Variants in MGLL observed in about 807,000 individuals in gnomAD.
MGLL encodes monoglyceride lipase, also known as lysophospholipase homolog.
In MGLL, 7 loss-of-function variants were observed where a neutral mutation model predicts 29.1. The observed-to-expected ratio is 0.24, with a 90% CI of 0.14 to 0.45. The LOEUF (loss-of-function observed/expected upper bound fraction) is 0.45, where lower values mean the gene tolerates loss of function less well. Among genes scored for constraint, MGLL ranks in the 20% least tolerant of loss-of-function variants. The probability of loss-of-function intolerance (pLI) is 0.99; values close to 1 mark genes in which losing one functional copy is unlikely to be tolerated. For synonymous variants in MGLL, 148 were observed against 168.3 expected, an observed-to-expected ratio of 0.88 and a Z score of 0.93; for missense variants, 356 against 413.6, an observed-to-expected ratio of 0.86 and a Z score of 1.21.
chr3:127,799,282 G>C (rs943859536), intron 2 of MGLL: 3 of 152,184 alleles, frequency 2.0e-5, no homozygotes. Flanking sequence ...GGAAACTGAG[G>C]CTTCCAGGGG....
intron 3 of MGLL, among the ~76,000 whole-genome samples, chr3:127,763,585 G>A (rs1216930168): frequency 6.6e-6 from 1 of 152,220 alleles, no homozygotes; most frequent in Non-Finnish European, 1.5e-5. Context: ...CCTGGGTGGG[G>A]ACATCTCCCT....
At chr3:127,736,837 A>T (rs2076250441) in intron 3 of MGLL, among the ~76,000 whole-genome samples, 1 of 152,080 alleles carries the variant, frequency 6.6e-6, no homozygotes, top group Non-Finnish European at 1.5e-5. Context: ...TGGGACCACA[A>T]GCGCATGTCA....
chr3:127,800,842 T>G (rs2077465369), intron 2 of MGLL, among the ~76,000 whole-genome samples: 2 of 152,218 alleles, frequency 1.3e-5, no homozygotes, highest in Admixed American at 1.3e-4. Context: ...CTAAGCATTG[T>G]AGCCAACAAG....
intron 2 of MGLL, among the ~76,000 whole-genome samples, chr3:127,794,663 T>A (rs1320097701): frequency 6.6e-6 from 1 of 152,240 alleles, no homozygotes; most frequent in Non-Finnish European, 1.5e-5. Flanking sequence ...TCTTCCATGA[T>A]GTCAAACTAT....
At chr3:127,798,829 C>CA (rs1462039200) in intron 2 of MGLL, among the ~76,000 whole-genome samples, 1 of 152,198 alleles carries the variant, frequency 6.6e-6, no homozygotes, top group Non-Finnish European at 1.5e-5. Flanking sequence ...CTGGGCTCCA[C>CA]AGCCTTTCCA....
intron 6 of MGLL, among the ~76,000 whole-genome samples, chr3:127,696,320 C>T (rs1267624023): frequency 1.3e-5 from 2 of 150,780 alleles, no homozygotes; most frequent in Non-Finnish European, 3.0e-5. Flanking sequence ...TCTCTAGCAT[C>T]TGCCCTACAG....
At chr3:127,710,704 G>A (rs2075693995) in intron 5 of MGLL, 39 bp from the exon 6 acceptor site, 1 of 1,487,266 alleles carries the variant, frequency 6.7e-7, no homozygotes, top group Admixed American at 2.0e-5. Flanking sequence ...GAGCACAAGT[G>A]GCATCCACAC....
At chr3:127,726,240 A>G (rs575959583) in intron 3 of MGLL, among the ~76,000 whole-genome samples, 2 of 145,336 alleles carry the variant, frequency 1.4e-5, no homozygotes, top group East Asian at 4.4e-4. Context: ...AAGAGGAAGG[A>G]AGGAAGGGAG....
At chr3:127,725,887 A>C (rs2076021028) in intron 3 of MGLL, among the ~76,000 whole-genome samples, 2 of 151,990 alleles carry the variant, frequency 1.3e-5, no homozygotes, top group Admixed American at 6.6e-5. Flanking sequence ...GCAATATAAC[A>C]AGACAGACCC....
chr3:127,783,466 A>T (rs959017514), intron 2 of MGLL, among the ~76,000 whole-genome samples: 1 of 152,030 alleles, frequency 6.6e-6, no homozygotes, highest in Non-Finnish European at 1.5e-5. Context: ...CCTTCTGAGG[A>T]CTGGACCCCA....
chr3:127,751,864 G>A (rs2076565165), intron 3 of MGLL, among the ~76,000 whole-genome samples: 1 of 152,210 alleles, frequency 6.6e-6, no homozygotes, highest in Middle Eastern at 3.2e-3. Context: ...ACCATGATGG[G>A]CATCTGGGCT....
intron 2 of MGLL, among the ~76,000 whole-genome samples, chr3:127,809,392 G>A (rs1490063814): frequency 6.6e-6 from 1 of 152,266 alleles, no homozygotes; most frequent in East Asian, 1.9e-4. Flanking sequence ...TTTGGAGGCT[G>A]AGGAGATAGG....
rs554160526 is a variant in MGLL, at chr3:127,754,760, C to T, written c.262+27029G>A. Reference sequence around the variant, plus strand: ...TGGATCTCCACCCAGGCCTCAGTGGCCTTCCCGTGTGCCTCCCCCGCAGCT... The same window carrying T: ...TGGATCTCCACCCAGGCCTCAGTGGTCTTCCCGTGTGCCTCCCCCGCAGCT... On this transcript the variant is annotated intron_variant, in intron 3 of 7. Coordinates refer to ENST00000265052, the MANE Select transcript of MGLL (RefSeq NM_007283.7). Among the ~76,000 whole-genome samples the T allele has an allele frequency of 3.3e-5, 5 of 152,332 alleles. No homozygotes were observed. The East Asian group carries it at 9.7e-4, about 29-fold the overall frequency.
chr3:127,780,247 C>T (rs754709423), intron 3 of MGLL, among the ~76,000 whole-genome samples: 10 of 152,278 alleles, frequency 6.6e-5, no homozygotes, highest in African/African-American at 1.7e-4. Flanking sequence ...AAGTTTTATC[C>T]GATAAGAAGG....
At chr3:127,801,926 CCAGA>C (rs1237750459) in intron 2 of MGLL, among the ~76,000 whole-genome samples, 1 of 151,904 alleles carries the variant, frequency 6.6e-6, no homozygotes, top group African/African-American at 2.4e-5. Context: ...ATGCTTGTCA[CCAGA>C]CAGAGGCCCA....
intron 3 of MGLL, among the ~76,000 whole-genome samples, chr3:127,739,684 C>T (rs1403829931): frequency 6.6e-6 from 1 of 152,174 alleles, no homozygotes; most frequent in African/African-American, 2.4e-5. Context: ...ATGCTGGTGA[C>T]CTTATGGAGG....
At chr3:127,758,250 C>T (rs572975338) in intron 3 of MGLL, among the ~76,000 whole-genome samples, 1 of 152,184 alleles carries the variant, frequency 6.6e-6, no homozygotes, top group African/African-American at 2.4e-5. Context: ...CCCACTGCCC[C>T]GCCCTCCTCC....
At chr3:127,736,464 G>T in intron 3 of MGLL, 1 of 559,736 alleles carries the variant, frequency 1.8e-6, no homozygotes, top group Non-Finnish European at 2.3e-6. Flanking sequence ...TGGCTCCGCT[G>T]CCCTGGAGAC....
intron 3 of MGLL, among the ~76,000 whole-genome samples, chr3:127,726,452 T>A (rs2076049223): frequency 6.6e-6 from 1 of 152,162 alleles, no homozygotes; most frequent in Non-Finnish European, 1.5e-5. Context: ...TTTTTTATTT[T>A]CTTTTTAGTA....
Sources: gnomAD v4.1 joint callset for allele counts (sites outside exome capture counted in the v4.1 genomes callset) on GRCh38, gnomAD v4.1.1 for gene constraint, MANE v1.5 for transcripts, NCBI Gene and HGNC (gene_info 2026-07-23, HGNC 2026-07-21) for gene names.